The following RNF170 variants were observed in gnomAD, a reference collection of about 807,000 sequenced individuals.
RNF170 encodes E3 ubiquitin-protein ligase RNF170.
Under a neutral mutation model 32.7 loss-of-function variants are expected in RNF170, and 12 were observed. The observed-to-expected ratio is 0.37, with a 90% CI of 0.24 to 0.60. RNF170 has a LOEUF of 0.60. Ranked by LOEUF, RNF170 falls within the 20% of genes least tolerant of loss-of-function variation. The pLI is 0.72. For missense variants in RNF170, 212 were observed against 311.2 expected (o/e 0.68, Z 2.40); for synonymous variants, 91 against 103.6 (o/e 0.88, Z 0.74).
chr8:42,850,975 C>T (rs377197544), downstream of RNF170: 221 of 1,551,448 alleles, frequency 1.4e-4, no homozygotes, highest in Admixed American at 1.8e-4. Flanking sequence ...CTCACTTGCA[C>T]GGCTGCTCTT....
rs932807014 is a variant in RNF170, at chr8:42,854,563, A to T, written c.*1596T>A. The T allele has an allele frequency of 1.9e-5, 24 of 1,286,954 alleles. No individual in the cohort carries two copies. The highest frequency in any genetic ancestry group is 2.3e-5 in the Non-Finnish European group (23 of 988,546). The allele number at this position is 1,286,954 out of a possible 1,614,324, so 79.7% of individuals were successfully genotyped here. ...CTATGACAAGCAACAGCTCTGTCCT[A>T]GGTCCAAATTAGAAAAACACATATT... On this transcript the variant is annotated 3_prime_UTR_variant, in exon 7 of 7. Coordinates refer to ENST00000527424, the MANE Select transcript of RNF170 (RefSeq NM_030954.4).
chr8:42,878,368 A>T (rs1805119757), intron 2 of RNF170, among the ~76,000 whole-genome samples: 1 of 152,236 alleles, frequency 6.6e-6, no homozygotes, highest in Non-Finnish European at 1.5e-5. Context: ...CCTGAGGGAC[A>T]TTAAAAGTAT....
chr8:42,894,480 A>C (rs1806583021), intron 1 of RNF170, among the ~76,000 whole-genome samples: 1 of 152,212 alleles, frequency 6.6e-6, no homozygotes, highest in East Asian at 1.9e-4. Context: ...GACAGAAATA[A>C]CCTGATAAGG....
downstream of RNF170, chr8:42,850,949 C>CCT (rs1199553053): frequency 2.6e-6 from 4 of 1,551,676 alleles, no homozygotes; most frequent in East Asian, 9.8e-5. Flanking sequence ...CATGCAACAG[C>CCT]CTCTTGATGG....
At position 42,854,056 on chromosome 8, in the gene RNF170, T is replaced by A; in HGVS notation, c.*2103A>T. 7.8e-7 allele frequency: 1 copy of A among 1,287,234 alleles called. No individual in the cohort carries two copies. The highest frequency in any genetic ancestry group is 1.2e-5 in the South Asian group (1 of 80,940). 79.7% of individuals were successfully genotyped at this position (1,287,234 alleles called of 1,614,324 possible). On this transcript the variant is annotated 3_prime_UTR_variant, in exon 7 of 7. Transcript: ENST00000527424. ...ATTTCCAGTCTGGTACATGGCAGTG[T>A]GACAAACTCCTACTCACTCGCTTTT... is the stretch of plus-strand genomic sequence containing the variant.
chr8:42,870,012 A>T lies in RNF170; in HGVS notation c.314T>A (p.Leu105His), dbSNP rs1205482518. 5.6e-6 allele frequency: 9 copies of T among 1,612,504 alleles called. No homozygotes were observed. The highest frequency in any genetic ancestry group is 6.8e-6 in the Non-Finnish European group (8 of 1,178,526). The change falls in exon 4 of 7, where the codon CTT (leucine) becomes CAT (histidine). Residue 105 changes from leucine to histidine, a missense_variant. This residue lies in a region of RNF170 where 115 missense variants were observed against 132.3 expected (regional missense o/e 0.87). Coordinates refer to ENST00000527424, the MANE Select transcript of RNF170 (RefSeq NM_030954.4). ...TAGCGTTGTTTGCTTACCACAAAAA[A>T]GATGTCCACAGTTGGTCTCCACCGG... ...SFPVETNCGH[L>H]FCGACIIAYW...
At chr8:42,876,576 G>A (rs1804948032) in intron 2 of RNF170, among the ~76,000 whole-genome samples, 1 of 151,414 alleles carries the variant, frequency 6.6e-6, no homozygotes, top group Non-Finnish European at 1.5e-5. Flanking sequence ...TTGATCTTAA[G>A]ACCTCCCAGC....
downstream of RNF170, among the ~76,000 whole-genome samples, chr8:42,852,606 G>A (rs1002897068): frequency 1.3e-5 from 2 of 151,858 alleles, no homozygotes; most frequent in African/African-American, 2.4e-5. Flanking sequence ...TAGTAGAGAC[G>A]GGGTTTCACT....
rs893341896 is a variant in RNF170 at position 42,871,353 on chromosome 8, A to T, written c.214-1241T>A. ...ACAGAAAAAAGTATTAAGTTTACTA[A>T]ATAGGAACTGTTCTTAAGTGAATCA... On this transcript the variant is annotated intron_variant, in intron 3 of 6. Transcript: ENST00000527424. Among the ~76,000 whole-genome samples, 9 of 152,352 alleles carry T rather than the reference A, an allele frequency of 5.9e-5. No homozygotes were observed. The East Asian group carries it at 1.2e-3, about 20-fold the overall frequency.
At chr8:42,887,243 G>A in intron 2 of RNF170, among the ~76,000 whole-genome samples, 1 of 152,170 alleles carries the variant, frequency 6.6e-6, no homozygotes, top group South Asian at 2.1e-4. Flanking sequence ...GGTGAGCTGA[G>A]ACAGTGCCAT....
intron 2 of RNF170, among the ~76,000 whole-genome samples, chr8:42,879,424 G>A (rs1430471148): frequency 3.3e-5 from 5 of 152,030 alleles, no homozygotes; most frequent in African/African-American, 1.2e-4. Context: ...AGGCTGAGAT[G>A]GGCAGATCAT....
chr8:42,896,319 T>TG, intron 1 of RNF170, 165 bp downstream of exon 1: 1 of 382,996 alleles, frequency 2.6e-6, no homozygotes, highest in African/African-American at 2.2e-5. Flanking sequence ...GCGGGGCGAT[T>TG]CTGGGGCTTC....
At chr8:42,872,344 AT>A (rs1428064814) in intron 3 of RNF170, among the ~76,000 whole-genome samples, 4 of 152,236 alleles carry the variant, frequency 2.6e-5, no homozygotes, top group African/African-American at 9.6e-5. Flanking sequence ...ATTAAATACA[AT>A]TGTTGTTTGG....
intron 2 of RNF170, among the ~76,000 whole-genome samples, chr8:42,883,980 A>T (rs1805616377): frequency 6.6e-6 from 1 of 152,186 alleles, no homozygotes; most frequent in Non-Finnish European, 1.5e-5. Context: ...ACTTGAAAAG[A>T]TGTCACTGTA....
chr8:42,863,643 T>C (rs1385488233), intron 5 of RNF170, among the ~76,000 whole-genome samples: 6 of 152,248 alleles, frequency 3.9e-5, no homozygotes, highest in Admixed American at 1.3e-4. Flanking sequence ...GGTTTCACCA[T>C]GTTGGCCAAG....
Position 42,856,088 on chromosome 8 carries a change from GC to G in RNF170, c.*70del. 6.2e-7 allele frequency: 1 copy of G among 1,603,836 alleles called. No individual in the cohort carries two copies. The highest frequency in any genetic ancestry group is 8.5e-7 in the Non-Finnish European group (1 of 1,175,936). ...CTCCATTGCTTCATTGCTTTATACTGCCATGGGTCCTTCTGTTTGATGTTCT... is the reference window on the plus strand; with the variant it reads ...CTCCATTGCTTCATTGCTTTATACTGCATGGGTCCTTCTGTTTGATGTTCT... On this transcript the variant is annotated 3_prime_UTR_variant, in exon 7 of 7. Transcript: ENST00000527424.
At chr8:42,864,785 T>C (rs1276949581) in intron 5 of RNF170, among the ~76,000 whole-genome samples, 1 of 61,612 alleles carries the variant, frequency 1.6e-5, no homozygotes, top group Non-Finnish European at 3.0e-5. Flanking sequence ...TAAATATACA[T>C]TGAGAAGGAA....
At chr8:42,876,636 T>C (rs1804953417) in intron 2 of RNF170, among the ~76,000 whole-genome samples, 1 of 151,022 alleles carries the variant, frequency 6.6e-6, no homozygotes, top group South Asian at 2.1e-4. Flanking sequence ...ACCCAGTCTA[T>C]GGTTATTTGT....
At chr8:42,877,728 T>C (rs1021269358) in intron 2 of RNF170, among the ~76,000 whole-genome samples, 2 of 152,128 alleles carry the variant, frequency 1.3e-5, no homozygotes, top group Non-Finnish European at 2.9e-5. Flanking sequence ...CAATGATTCC[T>C]TACATATAAG....
Sources: allele counts gnomAD v4.1 joint callset (sites outside exome capture counted in the v4.1 genomes callset), GRCh38; gene constraint gnomAD v4.1.1; regional missense constraint gnomAD v4.1.1; transcripts MANE v1.5; gene names NCBI Gene and HGNC (gene_info 2026-07-23, HGNC 2026-07-21).